Variants in SYNE2 observed in about 807,000 individuals in gnomAD.
The protein encoded by SYNE2 is nesprin-2.
SYNE2 carries 431 observed loss-of-function variants against 856.3 expected under a neutral mutation model. The observed-to-expected ratio is 0.50, with a 90% CI of 0.47 to 0.55. SYNE2 has a LOEUF of 0.55. Among genes scored for constraint, SYNE2 ranks in the 20% least tolerant of loss-of-function variants. The probability of loss-of-function intolerance (pLI) is 0.00; values close to 1 mark genes in which losing one functional copy is unlikely to be tolerated. For synonymous variants in SYNE2, 2,923 were observed against 2,872.3 expected (o/e 1.02, Z -0.56); for missense variants, 8,129 against 8,023.2 (o/e 1.01, Z -0.50).
At chr14:64,124,736 C>T (rs2097924662) in intron 70 of SYNE2, among the ~76,000 whole-genome samples, 1 of 152,150 alleles carries the variant, frequency 6.6e-6, no homozygotes, top group African/African-American at 2.4e-5. Flanking sequence ...GACATGTTGG[C>T]TCATGCCTGT....
rs902239879 is a variant in SYNE2, at chr14:63,832,898, G to A, written c.-304-19603G>A. 1.5e-3 allele frequency among the ~76,000 whole-genome samples: 224 copies of A among 145,652 alleles called. 3 individuals carry two copies. Among genetic ancestry groups the A allele is most frequent in the Admixed American group, 4.5e-3 (64 of 14,336 alleles). On this transcript the variant is annotated intron_variant, in intron 1 of 23. Coordinates refer to the SYNE2 transcript ENST00000674003. ...AAAAAAAAAAAAAAAAAATTAGTCC[G>A]GTATGGTGGCACGTGCCTATAGTCC...
chr14:64,158,479 C>T, intron 85 of SYNE2, 146 bp from the exon 86 acceptor site: 1 of 828,720 alleles, frequency 1.2e-6, no homozygotes, highest in Non-Finnish European at 2.0e-6. Flanking sequence ...TATGCATTGA[C>T]CTACCCTTTC....
At chr14:64,023,088 C>G (rs2096949426) in intron 38 of SYNE2, 2 of 504,164 alleles carry the variant, frequency 4.0e-6, no homozygotes, top group Admixed American at 7.0e-5. Context: ...GAAACCTTAT[C>G]TCTACAAAAA....
Position 63,976,591 on chromosome 14 carries a change from A to G in SYNE2, c.1157A>G (p.Tyr386Cys). The change falls in exon 12 of 116, where the codon TAT (tyrosine) becomes TGT (cysteine). Residue 386 changes from tyrosine to cysteine, a missense_variant. Around this residue, in one of 3 missense-constraint regions of SYNE2, gnomAD observed 2,422 missense variants for 2,357.4 expected, o/e 1.03. Transcript: ENST00000555002. ...AATGCATGGAAAATAAAGCTAAATT[A>G]TGCCTTGCCCCCACCCCTCCATCAA... ...QINAWKIKLN[Y>C]ALPPPLHQTE... The G allele has an allele frequency of 6.4e-7, 1 of 1,564,104 alleles. No individual in the cohort carries two copies. Among genetic ancestry groups the G allele is most frequent in the Non-Finnish European group, 8.7e-7 (1 of 1,153,634 alleles).
Position 64,221,625 on chromosome 14 carries a change from A to G in SYNE2, c.20111A>G (p.Lys6704Arg), listed in dbSNP as rs2098694455. 1 of 1,614,158 alleles carries G rather than the reference A, an allele frequency of 6.2e-7. No individual in the cohort carries two copies. The highest frequency in any genetic ancestry group is 8.5e-7 in the Non-Finnish European group (1 of 1,180,036). ...QNLLLWLASA[K>R]NRRQKAHVTD... Reference sequence around the variant, plus strand: ...CTGCTGCTGTGGTTAGCGAGTGCCAAGAACCGGAGGCAGAAGGCTCATGTC... The same window carrying G: ...CTGCTGCTGTGGTTAGCGAGTGCCAGGAACCGGAGGCAGAAGGCTCATGTC... Residue 6704 changes from lysine (K) to arginine (R), a missense_variant, in exon 112 of 116, where the codon AAG becomes AGG. Physicochemically the swap from Lys to Arg is conservative, Grantham distance 26. Transcript: ENST00000555002.
intron 1 of SYNE2, chr14:63,761,993 G>C (rs1403212722): frequency 7.0e-6 from 3 of 426,922 alleles, no homozygotes; most frequent in Admixed American, 2.4e-5. Context: ...AGAGGTAATA[G>C]GTTTTGACAA....
At position 63,794,071 on chromosome 14, in the gene SYNE2, GA is replaced by G. The variant is rs1384239273; in HGVS notation, c.-305+32092del. 2.6e-5 allele frequency among the ~76,000 whole-genome samples: 4 copies of G among 152,098 alleles called. No homozygotes were observed. The East Asian group carries it at 7.7e-4, about 29-fold the overall frequency. ...ATAAAGCTGGATACAGATTTGCTTA[GA>G]AAAAAATTATAAACATATATCCTTC... On this transcript the variant is annotated intron_variant, in intron 1 of 23. Transcript: ENST00000674003.
intron 103 of SYNE2, among the ~76,000 whole-genome samples, chr14:64,211,041 G>T (rs2098638282): frequency 6.6e-6 from 1 of 151,870 alleles, no homozygotes; most frequent in Admixed American, 6.6e-5. Flanking sequence ...GAGTGCAGTG[G>T]TGAGATCATA....
At chr14:63,989,184 C>T (rs2096648356) in intron 19 of SYNE2, among the ~76,000 whole-genome samples, 1 of 152,070 alleles carries the variant, frequency 6.6e-6, no homozygotes, top group Non-Finnish European at 1.5e-5. Flanking sequence ...AATTGTGATC[C>T]ATTTTCATTT....
chr14:63,938,277 G>A (rs1199519167), intron 2 of SYNE2, among the ~76,000 whole-genome samples: 2 of 152,002 alleles, frequency 1.3e-5, no homozygotes, highest in African/African-American at 4.8e-5. Flanking sequence ...GTAACGTGGT[G>A]ACACCCATCT....
chr14:63,972,185 A>G (rs1228857586), intron 11 of SYNE2, among the ~76,000 whole-genome samples: 1 of 152,154 alleles, frequency 6.6e-6, no homozygotes, highest in Non-Finnish European at 1.5e-5. Context: ...ACCGCTTTGA[A>G]ACGGACTCTT....
intron 92 of SYNE2, among the ~76,000 whole-genome samples, 167 bp downstream of exon 92, chr14:64,167,806 G>A (rs369344602): frequency 2.7e-4 from 41 of 152,242 alleles, no homozygotes; most frequent in Middle Eastern, 3.4e-3. Flanking sequence ...ATTCTTGTAC[G>A]TTTCATAAAT....
chr14:63,948,172 C>T (rs200506782), intron 6 of SYNE2, among the ~76,000 whole-genome samples: 4 of 46,290 alleles, frequency 8.6e-5, no homozygotes, highest in South Asian at 9.9e-4. Context: ...CACATACACA[C>T]ACACACACAC....
rs965318192 is a variant in SYNE2 at position 63,991,879 on chromosome 14, G to A, written c.2646+764G>A. On this transcript the variant is annotated intron_variant, in intron 21 of 115. Coordinates refer to ENST00000555002, the MANE Select transcript of SYNE2 (RefSeq NM_182914.3). The stretch of plus-strand genomic sequence containing the variant: ...CAGGAAGGCATTGCCCCATTCCTGC[G>A]CCTACTCTTTATGAAAGGGCGCCCT... Among the ~76,000 whole-genome samples, 23 of 152,084 alleles carry A rather than the reference G, an allele frequency of 1.5e-4. 1 individual carries two copies. The highest frequency in any genetic ancestry group is 2.4e-5 in the African/African-American group (1 of 41,400).
Position 64,022,112 on chromosome 14 carries a change from C to T in SYNE2, c.5524+84C>T, listed in dbSNP as rs117273559. On this transcript the variant is annotated intron_variant, in intron 37 of 115. Transcript: ENST00000555002. ...TGTGAACACAAAAGCTAATCTAAGCCTGACTTAGAGATGGTTTGCACAGAC... is the reference window on the plus strand; with the variant it reads ...TGTGAACACAAAAGCTAATCTAAGCTTGACTTAGAGATGGTTTGCACAGAC... 2.1e-3 allele frequency: 2,828 copies of T among 1,334,362 alleles called. 65 individuals are homozygous for T. In the East Asian group the frequency reaches 0.035, roughly 17 times the overall value. The allele number at this position is 1,334,362 out of a possible 1,614,324, so 82.7% of individuals were successfully genotyped here. A position where few individuals can be genotyped will look rare whatever the true frequency, so the allele number is the denominator to read the frequency against.
chr14:64,002,457 T>G (rs543540067), intron 29 of SYNE2, among the ~76,000 whole-genome samples: 1 of 152,380 alleles, frequency 6.6e-6, no homozygotes, highest in African/African-American at 2.4e-5. Context: ...ATTATAAAAT[T>G]GTTCTCTGAA....
intron 1 of SYNE2, among the ~76,000 whole-genome samples, chr14:63,862,426 A>C (rs1893991785): frequency 6.6e-6 from 1 of 151,488 alleles, no homozygotes; most frequent in Admixed American, 6.6e-5. Context: ...GTAGAGACCG[A>C]GATCTCACTG....
At position 63,986,449 on chromosome 14, in the gene SYNE2, G is replaced by T; in HGVS notation, c.2152-7G>T. ...CATTTTCTCAGTGGTACTTTTGAAT[G>T]TTGTAGGCTGGAGAGAAACATGAAA... On this transcript the variant is annotated splice_region_variant and splice_polypyrimidine_tract_variant and intron_variant, in intron 18 of 115. Transcript: ENST00000555002. The T allele has an allele frequency of 6.2e-7, 1 of 1,613,918 alleles. No homozygotes were observed. The highest frequency in any genetic ancestry group is 8.5e-7 in the Non-Finnish European group (1 of 1,179,914).
intron 1 of SYNE2, among the ~76,000 whole-genome samples, chr14:63,868,116 A>G (rs903377621): frequency 3.0e-5 from 4 of 132,980 alleles, no homozygotes; most frequent in Non-Finnish European, 6.9e-5. Flanking sequence ...TTGTGTAATA[A>G]ATTAACTAAC....
Sources: allele counts gnomAD v4.1 joint callset (sites outside exome capture counted in the v4.1 genomes callset), GRCh38; gene constraint gnomAD v4.1.1; regional missense constraint gnomAD v4.1.1; transcripts MANE v1.5; gene names NCBI Gene and HGNC (gene_info 2026-07-23, HGNC 2026-07-21).